AUTS2: variants seen among roughly 807,000 people sequenced by gnomAD.
AUTS2 encodes the protein activator of transcription and developmental regulator AUTS2.
AUTS2 carries 17 observed loss-of-function variants against 112.4 expected under a neutral mutation model. That is an observed-to-expected ratio of 0.15 (90% confidence interval 0.10 to 0.23). The LOEUF is 0.23. Among genes scored for constraint, AUTS2 ranks in the 10% least tolerant of loss-of-function variants. The pLI is 1.00. For synonymous variants in AUTS2, 751 were observed against 702.7 expected, an observed-to-expected ratio of 1.07 and a Z score of -1.09; for missense variants, 1,510 against 1,701.6, an observed-to-expected ratio of 0.89 and a Z score of 1.98.
intron 2 of AUTS2, among the ~76,000 whole-genome samples, chr7:70,060,253 C>A (rs1190513099): frequency 6.6e-6 from 1 of 152,142 alleles, no homozygotes; most frequent in Non-Finnish European, 1.5e-5. Flanking sequence ...TTAAATTTCA[C>A]TTAAAGAAAT....
intron 2 of AUTS2, among the ~76,000 whole-genome samples, chr7:70,074,966 A>G (rs1429029529): frequency 1.3e-5 from 2 of 152,174 alleles, no homozygotes; most frequent in African/African-American, 4.8e-5. Context: ...ATGTACTTTA[A>G]GGTCATTACT....
intron 1 of AUTS2, among the ~76,000 whole-genome samples, chr7:69,735,997 G>C (rs1055373283): frequency 1.3e-5 from 2 of 152,190 alleles, no homozygotes; most frequent in African/African-American, 4.8e-5. Context: ...CTTTGTGTCT[G>C]CAGGGACTTT....
At chr7:70,396,064 A>G (rs1286734452) in intron 4 of AUTS2, among the ~76,000 whole-genome samples, 1 of 152,236 alleles carries the variant, frequency 6.6e-6, no homozygotes, top group Non-Finnish European at 1.5e-5. Flanking sequence ...TGTAATTGAC[A>G]TATGATAAGC....
At chr7:70,400,187 T>C (rs1233194429) in intron 4 of AUTS2, among the ~76,000 whole-genome samples, 2 of 152,202 alleles carry the variant, frequency 1.3e-5, no homozygotes, top group East Asian at 3.9e-4. Flanking sequence ...TAGAGTCAAG[T>C]GAGCCTGGGT....
chr7:69,690,313 C>A (rs183653628), intron 1 of AUTS2, among the ~76,000 whole-genome samples: 3 of 152,158 alleles, frequency 2.0e-5, no homozygotes, highest in Admixed American at 6.5e-5. Context: ...ATGAATTGCT[C>A]TCACTGTCAC....
At chr7:69,842,202 A>C (rs965406800) in intron 1 of AUTS2, among the ~76,000 whole-genome samples, 1 of 152,174 alleles carries the variant, frequency 6.6e-6, no homozygotes, top group South Asian at 2.1e-4. Context: ...CTTATCTAGA[A>C]ATATGTTGGC....
intron 2 of AUTS2, among the ~76,000 whole-genome samples, chr7:69,952,665 A>C (rs1000554836): frequency 6.6e-6 from 1 of 152,166 alleles, no homozygotes; most frequent in Non-Finnish European, 1.5e-5. Context: ...AAAATGTGAC[A>C]ATATACTAGG....
chr7:70,236,679 G>A (rs938206874), intron 4 of AUTS2, among the ~76,000 whole-genome samples: 23 of 152,084 alleles, frequency 1.5e-4, no homozygotes, highest in African/African-American at 5.6e-4. Flanking sequence ...TTTAGCTTCT[G>A]TTTAGTTTTA....
At chr7:69,607,553 AT>A (rs1273585653) in intron 1 of AUTS2, among the ~76,000 whole-genome samples, 1 of 152,194 alleles carries the variant, frequency 6.6e-6, no homozygotes, top group East Asian at 1.9e-4. Context: ...TTTCTTGGCC[AT>A]TACAGCTCAC....
intron 1 of AUTS2, among the ~76,000 whole-genome samples, chr7:69,660,099 A>G (rs1257229547): frequency 6.6e-6 from 1 of 152,222 alleles, no homozygotes; most frequent in Admixed American, 6.5e-5. Context: ...AGGGGAATCA[A>G]AAAGGAAGAG....
chr7:70,775,112 G>T, intron 12 of AUTS2: 1 of 532,120 alleles, frequency 1.9e-6, no homozygotes, highest in Non-Finnish European at 3.3e-6. Context: ...AGGGCACATT[G>T]CTATTGATTA....
chr7:70,512,567 A>G (rs1327485844), intron 5 of AUTS2, among the ~76,000 whole-genome samples: 1 of 152,108 alleles, frequency 6.6e-6, no homozygotes, highest in Non-Finnish European at 1.5e-5. Context: ...CGAAACATCC[A>G]TACTGTCAGC....
intron 5 of AUTS2, among the ~76,000 whole-genome samples, chr7:70,521,580 C>T (rs944367737): frequency 6.6e-6 from 1 of 152,186 alleles, no homozygotes; most frequent in South Asian, 2.1e-4. Flanking sequence ...CTCAGTCCTA[C>T]CTACAAAATA....
At chr7:70,380,514 T>G (rs566366277) in intron 4 of AUTS2, among the ~76,000 whole-genome samples, 1 of 152,198 alleles carries the variant, frequency 6.6e-6, no homozygotes, top group Non-Finnish European at 1.5e-5. Context: ...GGCTGTGATC[T>G]CAGGGGAGGG....
chr7:69,623,975 G>A (rs1028629905), intron 1 of AUTS2, among the ~76,000 whole-genome samples: 1 of 152,094 alleles, frequency 6.6e-6, no homozygotes, highest in Non-Finnish European at 1.5e-5. Context: ...ATATAATAAG[G>A]TGTAAGTGAA....
At position 70,118,150 on chromosome 7, in the gene AUTS2, A is replaced by G. The variant is rs1805482494; in HGVS notation, c.541A>G (p.Ser181Gly). 1.9e-6 allele frequency: 3 copies of G among 1,610,064 alleles called. No homozygotes were observed. The highest frequency in any genetic ancestry group is 2.5e-6 in the Non-Finnish European group (3 of 1,178,852). ...CCTTTAGCTCAAGCCAGGACAGAAC[A>G]GCTGCAGGGACAGTGACAGTGAAAG... is the stretch of plus-strand genomic sequence containing the variant. The part of the protein sequence containing the change: ...ALRQLKPGQN[S>G]CRDSDSESAS... The change falls in exon 3 of 19, where the codon AGC (serine) becomes GGC (glycine). Residue 181 changes from serine (S) to glycine (G), a missense_variant. Around this residue, in one of 3 missense-constraint regions of AUTS2, gnomAD observed 535 missense variants for 594.3 expected, o/e 0.90. Coordinates refer to ENST00000342771, the MANE Select transcript of AUTS2 (RefSeq NM_015570.4).
intron 2 of AUTS2, among the ~76,000 whole-genome samples, chr7:69,981,696 T>C (rs1381351181): frequency 6.6e-6 from 1 of 152,194 alleles, no homozygotes; most frequent in African/African-American, 2.4e-5. Context: ...CCACATTAGA[T>C]TTGTAAATAA....
intron 4 of AUTS2, among the ~76,000 whole-genome samples, chr7:70,221,861 T>C (rs1811506068): frequency 6.6e-6 from 1 of 152,228 alleles, no homozygotes; most frequent in African/African-American, 2.4e-5. Flanking sequence ...CACTCCAGCC[T>C]AGGTGACAAG....
At chr7:69,994,713 C>T (rs1247276187) in intron 2 of AUTS2, among the ~76,000 whole-genome samples, 1 of 152,138 alleles carries the variant, frequency 6.6e-6, no homozygotes, top group African/African-American at 2.4e-5. Flanking sequence ...TATGTTGATT[C>T]GTGGACAGAT....
Sources: allele counts gnomAD v4.1 joint callset (sites outside exome capture counted in the v4.1 genomes callset), GRCh38; gene constraint gnomAD v4.1.1; regional missense constraint gnomAD v4.1.1; transcripts MANE v1.5; gene names NCBI Gene and HGNC (gene_info 2026-07-23, HGNC 2026-07-21).